Variants in MSN observed in about 807,000 individuals in gnomAD.
MSN encodes the protein epididymis luminal protein 70.
Under a neutral mutation model 48.0 loss-of-function variants are expected in MSN, and 2 were observed. The ratio of observed to expected loss-of-function variants is 0.04; its 90% CI spans 0.02 to 0.13. The LOEUF (loss-of-function observed/expected upper bound fraction) is 0.13, where lower values mean the gene tolerates loss of function less well. MSN is among the 10% of genes least tolerant of loss of function. The pLI is 1.00. For synonymous variants in MSN, 146 were observed against 166.9 expected (o/e 0.87, Z 0.97); for missense variants, 267 against 470.1 (o/e 0.57, Z 3.99).
chrX:65,615,481 T>C (rs896820627), intron 1 of MSN, among the ~76,000 whole-genome samples: 2 of 110,475 alleles, frequency 1.8e-5, no homozygotes, highest in Non-Finnish European at 3.8e-5. Flanking sequence ...TTTCATGTGT[T>C]TTTTGGCTGC....
At chrX:65,632,454 G>A in intron 1 of MSN, among the ~76,000 whole-genome samples, 2 of 112,400 alleles carry the variant, frequency 1.8e-5, no homozygotes, top group Middle Eastern at 4.6e-3. Context: ...AATAGACTAA[G>A]ACATACTGGG....
At chrX:65,657,058 C>G (rs1177132989) in intron 1 of MSN, among the ~76,000 whole-genome samples, 1 of 111,763 alleles carries the variant, frequency 8.9e-6, no homozygotes, top group Non-Finnish European at 1.9e-5. Flanking sequence ...CCTGTTCCAA[C>G]AGTTGAGGCC....
intron 1 of MSN, among the ~76,000 whole-genome samples, chrX:65,591,414 A>G (rs140714605): frequency 0.018 from 1,977 of 111,937 alleles, 50 homozygotes; most frequent in African/African-American, 0.06. Context: ...AGGCATGTGC[A>G]CTGGTATCTT....
chrX:65,604,491 A>G (rs1193888676), intron 1 of MSN, among the ~76,000 whole-genome samples: 1 of 112,415 alleles, frequency 8.9e-6, no homozygotes, highest in African/African-American at 3.2e-5. Context: ...ATGCATCAAC[A>G]TAAAGGAGGG....
intron 1 of MSN, among the ~76,000 whole-genome samples, chrX:65,690,097 C>T (rs763680698): frequency 1.1e-4 from 12 of 111,376 alleles, no homozygotes; most frequent in African/African-American, 2.9e-4. Flanking sequence ...TGTAGGAGCA[C>T]GTGTAGACTC....
At chrX:65,693,169 T>C (rs764575001) in intron 1 of MSN, among the ~76,000 whole-genome samples, 50 of 112,084 alleles carry the variant, frequency 4.5e-4, no homozygotes, top group Non-Finnish European at 8.8e-4. Context: ...TGTTGGTTAC[T>C]AACTAACCAA....
intron 1 of MSN, among the ~76,000 whole-genome samples, chrX:65,711,920 G>C (rs1396909069): frequency 9.0e-6 from 1 of 111,596 alleles, no homozygotes; most frequent in Non-Finnish European, 1.9e-5. Context: ...GTACTGGAAA[G>C]GTAATTCTAA....
At chrX:65,663,208 C>T (rs1215886042), upstream of MSN, among the ~76,000 whole-genome samples, 1 of 107,563 alleles carries the variant, frequency 9.3e-6, no homozygotes, top group Non-Finnish European at 1.9e-5. Context: ...CAGTGAGCCA[C>T]GATCACGCCA....
chrX:65,658,784 G>A (rs1050124041), intron 1 of MSN, among the ~76,000 whole-genome samples: 1 of 111,472 alleles, frequency 9.0e-6, no homozygotes, highest in East Asian at 2.8e-4. Flanking sequence ...CTTGAGCTTG[G>A]ACATAGACTT....
At chrX:65,693,937 C>A (rs2071201563) in intron 1 of MSN, among the ~76,000 whole-genome samples, 1 of 110,770 alleles carries the variant, frequency 9.0e-6, no homozygotes, top group African/African-American at 3.3e-5. Flanking sequence ...CCTGTATTCC[C>A]AGCTATTCGG....
chrX:65,679,874 T>A (rs774109507), intron 1 of MSN, among the ~76,000 whole-genome samples: 8 of 112,719 alleles, frequency 7.1e-5, no homozygotes, highest in Non-Finnish European at 1.3e-4. Flanking sequence ...TCCTTGGGCA[T>A]CCTTGGGCAG....
chrX:65,660,285 C>T (rs2070811722), intron 1 of MSN, among the ~76,000 whole-genome samples: 1 of 111,817 alleles, frequency 8.9e-6, no homozygotes, highest in Non-Finnish European at 1.9e-5. Context: ...GACTCTTAGC[C>T]TGAACATTAT....
intron 7 of MSN, 55 bp downstream of exon 7, chrX:65,733,335 A>G: frequency 2.2e-6 from 2 of 924,924 alleles, no homozygotes; most frequent in East Asian, 6.2e-5. Context: ...CTGCATAATG[A>G]GCAATCATGC....
chrX:65,657,885 G>GCCAC (rs1269323906), intron 1 of MSN, among the ~76,000 whole-genome samples: 2 of 111,793 alleles, frequency 1.8e-5, no homozygotes, highest in African/African-American at 6.5e-5. Flanking sequence ...AGATCCCTGT[G>GCCAC]CCACCATCAA....
chrX:65,632,733 A>G (rs1432861027), intron 1 of MSN, among the ~76,000 whole-genome samples: 1 of 112,015 alleles, frequency 8.9e-6, no homozygotes, highest in Non-Finnish European at 1.9e-5. Context: ...GTTCACGTGT[A>G]TAAAGTGTCT....
At chrX:65,612,865 TGGG>T (rs768444031) in intron 1 of MSN, among the ~76,000 whole-genome samples, 5 of 103,542 alleles carry the variant, frequency 4.8e-5, no homozygotes, top group African/African-American at 1.8e-4. Flanking sequence ...TTTTTTTTTT[TGGG>T]GGGGGGTACG....
intron 1 of MSN, among the ~76,000 whole-genome samples, chrX:65,610,937 G>A (rs1028798677): frequency 1.6e-4 from 18 of 111,641 alleles, no homozygotes; most frequent in African/African-American, 4.6e-4. Context: ...CAATTCTGTA[G>A]TGTTAAGCAT....
At chrX:65,641,276 T>A (rs747987230) in intron 1 of MSN, among the ~76,000 whole-genome samples, 1 of 108,269 alleles carries the variant, frequency 9.2e-6, no homozygotes, top group East Asian at 2.9e-4. Flanking sequence ...ACGCCTGTAA[T>A]CCCAGCACTT....
chrX:65,631,999 A>G (rs2070562647), intron 1 of MSN, among the ~76,000 whole-genome samples: 1 of 112,078 alleles, frequency 8.9e-6, no homozygotes, highest in Admixed American at 9.5e-5. Flanking sequence ...GGCTATTATT[A>G]ATAAAACAGT....
Sources: allele counts gnomAD v4.1 joint callset (sites outside exome capture counted in the v4.1 genomes callset), GRCh38; gene constraint gnomAD v4.1.1; transcripts MANE v1.5; gene names NCBI Gene and HGNC (gene_info 2026-07-23, HGNC 2026-07-21).